The following CDH12 variants were observed in gnomAD, a reference collection of about 807,000 sequenced individuals.
CDH12 encodes cadherin 12.
A neutral mutation model predicts 74.1 loss-of-function variants in CDH12; 41 were observed. That is an observed-to-expected ratio of 0.55 (90% CI 0.43 to 0.72). CDH12 has a LOEUF of 0.72. Among genes scored for constraint, CDH12 ranks in the 30% least tolerant of loss-of-function variants. The pLI is 0.00. For missense variants in CDH12, 945 were observed against 977.2 expected (o/e 0.97, Z 0.44); for synonymous variants, 399 against 355.0 (o/e 1.12, Z -1.39).
At chr5:21,962,649 G>A (rs2355281) in intron 6 of CDH12, among the ~76,000 whole-genome samples, 1 of 151,972 alleles carries the variant, frequency 6.6e-6, no homozygotes, top group Non-Finnish European at 1.5e-5. Context: ...TTGTAAAGGG[G>A]CCTAAGATAG....
chr5:22,711,355 G>A (rs1580914075), intron 1 of CDH12, among the ~76,000 whole-genome samples: 1 of 151,954 alleles, frequency 6.6e-6, no homozygotes, highest in South Asian at 2.1e-4. Flanking sequence ...GAAGTCACAG[G>A]GCATAGACAT....
chr5:22,309,441 G>T (rs904617638), intron 3 of CDH12, among the ~76,000 whole-genome samples: 2 of 152,062 alleles, frequency 1.3e-5, no homozygotes, highest in Non-Finnish European at 2.9e-5. Flanking sequence ...GCTACCAGAG[G>T]TTAATCATGA....
intron 1 of CDH12, among the ~76,000 whole-genome samples, chr5:22,549,232 C>T (rs1245916123): frequency 6.6e-6 from 1 of 151,992 alleles, no homozygotes; most frequent in Non-Finnish European, 1.5e-5. Flanking sequence ...CTAGGACTCC[C>T]AAAGTGCTGA....
chr5:22,044,786 C>T (rs997367941), intron 5 of CDH12, among the ~76,000 whole-genome samples: 5 of 152,142 alleles, frequency 3.3e-5, no homozygotes, highest in Admixed American at 2.6e-4. Context: ...AGACTTCTAT[C>T]TCTCACCATA....
intron 10 of CDH12, among the ~76,000 whole-genome samples, chr5:21,798,248 G>GGTGTGTGT (rs1746902066): frequency 1.2e-5 from 1 of 86,386 alleles, no homozygotes; most frequent in African/African-American, 3.8e-5. Flanking sequence ...TGTATATGTG[G>GGTGTGTGT]ATGTGTGTGT....
At chr5:22,828,071 C>T (rs186689570) in intron 1 of CDH12, among the ~76,000 whole-genome samples, 304 of 152,092 alleles carry the variant, frequency 2.0e-3, no homozygotes, top group Admixed American at 3.5e-3. Flanking sequence ...TTGGATTATA[C>T]GGTTTCATTG....
chr5:21,966,158 GTTTTTTT>G (rs71609724), intron 6 of CDH12, among the ~76,000 whole-genome samples: 3 of 123,316 alleles, frequency 2.4e-5, no homozygotes, highest in Non-Finnish European at 3.5e-5. Flanking sequence ...CTATTTTTAC[GTTTTTTT>G]TTTTTTTTTT....
chr5:22,041,038 T>C (rs529610714), intron 5 of CDH12, among the ~76,000 whole-genome samples: 1 of 152,074 alleles, frequency 6.6e-6, no homozygotes, highest in Admixed American at 6.5e-5. Context: ...AATCGTGACA[T>C]CAAAAATATA....
chr5:22,726,510 T>C (rs946071881), intron 1 of CDH12, among the ~76,000 whole-genome samples: 1 of 151,784 alleles, frequency 6.6e-6, no homozygotes, highest in Non-Finnish European at 1.5e-5. Context: ...AGTAAACATA[T>C]GTTTCATTTT....
intron 3 of CDH12, among the ~76,000 whole-genome samples, chr5:22,274,444 A>G (rs527858461): frequency 6.6e-6 from 1 of 152,270 alleles, no homozygotes; most frequent in East Asian, 1.9e-4. Flanking sequence ...GTTGACATAA[A>G]TGATGACTGA....
intron 3 of CDH12, among the ~76,000 whole-genome samples, chr5:22,353,687 T>C (rs142263293): frequency 6.6e-6 from 1 of 152,218 alleles, no homozygotes; most frequent in East Asian, 1.9e-4. Flanking sequence ...AAAAAGAAAG[T>C]CTCAGAAAAG....
chr5:22,104,755 T>A (rs1246421271), intron 4 of CDH12, among the ~76,000 whole-genome samples: 1 of 152,196 alleles, frequency 6.6e-6, no homozygotes, highest in East Asian at 1.9e-4. Context: ...AGCCTAATAA[T>A]AGTTGGTATT....
intron 1 of CDH12, among the ~76,000 whole-genome samples, chr5:22,610,926 G>T (rs752970144): frequency 2.0e-5 from 3 of 151,916 alleles, no homozygotes; most frequent in Non-Finnish European, 2.9e-5. Flanking sequence ...GGATGTATAC[G>T]AGGCATTAAT....
At chr5:21,781,537 A>C (rs1452446101) in intron 11 of CDH12, among the ~76,000 whole-genome samples, 1 of 152,082 alleles carries the variant, frequency 6.6e-6, no homozygotes, top group Non-Finnish European at 1.5e-5. Flanking sequence ...CAGCACGGCC[A>C]AGATGGTGAA....
At chr5:21,914,365 G>C (rs950268765) in intron 6 of CDH12, among the ~76,000 whole-genome samples, 2 of 152,112 alleles carry the variant, frequency 1.3e-5, no homozygotes, top group African/African-American at 4.8e-5. Context: ...CTGAGGAGCA[G>C]GCAACAATTT....
intron 6 of CDH12, among the ~76,000 whole-genome samples, chr5:21,865,993 C>A (rs1293202092): frequency 6.6e-6 from 1 of 152,146 alleles, no homozygotes; most frequent in Non-Finnish European, 1.5e-5. Flanking sequence ...ATACTGTTCT[C>A]ATGGTAGTAA....
rs1755688418 is a variant in CDH12 at position 21,948,686 on chromosome 5, A to T, written c.526+26405T>A. Reference sequence around the variant, plus strand: ...TGATGTTGGGTTGGAAATGTAAAAAATATGTGAGATCTGGGAGGGTCCAGG... The same window carrying T: ...TGATGTTGGGTTGGAAATGTAAAAATTATGTGAGATCTGGGAGGGTCCAGG... On this transcript the variant is annotated intron_variant, in intron 6 of 14. Transcript: ENST00000382254. Among the ~76,000 whole-genome samples the T allele has an allele frequency of 2.0e-5, 3 of 152,228 alleles. No individual in the cohort carries two copies. The South Asian group carries it at 6.2e-4, about 32-fold the overall frequency.
chr5:22,201,243 G>A (rs1024990561), intron 4 of CDH12, among the ~76,000 whole-genome samples: 4 of 152,076 alleles, frequency 2.6e-5, no homozygotes, highest in South Asian at 2.1e-4. Context: ...ATCAACCTAA[G>A]TTTCCATATC....
chr5:22,685,137 A>G (rs996329889), intron 1 of CDH12, among the ~76,000 whole-genome samples: 1 of 152,174 alleles, frequency 6.6e-6, no homozygotes, highest in East Asian at 1.9e-4. Context: ...TTCATATATC[A>G]TTTGCCTATT....
Sources: gnomAD v4.1 joint callset for allele counts (sites outside exome capture counted in the v4.1 genomes callset) on GRCh38, gnomAD v4.1.1 for gene constraint, MANE v1.5 for transcripts, NCBI Gene and HGNC (gene_info 2026-07-23, HGNC 2026-07-21) for gene names.